The following GC variants were observed in gnomAD, a reference collection of about 807,000 sequenced individuals.
GC encodes the protein GC vitamin D binding protein.
GC carries 43 observed loss-of-function variants against 56.7 expected under a neutral mutation model. That is an observed-to-expected ratio of 0.76 (90% CI 0.59 to 0.98). The LOEUF (loss-of-function observed/expected upper bound fraction) is 0.98, where lower values mean the gene tolerates loss of function less well. Among genes scored for constraint, GC ranks in the 50% least tolerant of loss-of-function variants. The pLI is 0.00. For synonymous variants in GC, 216 were observed against 202.7 expected (o/e 1.07, Z -0.56); for missense variants, 529 against 545.9 (o/e 0.97, Z 0.31).
intron 1 of GC, among the ~76,000 whole-genome samples, chr4:71,780,577 A>G (rs1428233798): frequency 6.6e-6 from 1 of 152,204 alleles, no homozygotes; most frequent in African/African-American, 2.4e-5. Flanking sequence ...GGCAAAGGAT[A>G]TGAACAGACA....
rs534043895 is a variant in GC at position 71,774,442 on chromosome 4, C to T, written c.59-5042G>A. 9.9e-5 allele frequency among the ~76,000 whole-genome samples: 15 copies of T among 152,002 alleles called. No homozygotes were observed. The East Asian group carries it at 2.5e-3, about 26-fold the overall frequency. The stretch of plus-strand genomic sequence containing the variant: ...TTTTTCTCCATGCATTTCATCCCAC[C>T]TCTCTTTCCTTTTGTGGGTTGGTTA... On this transcript the variant is annotated intron_variant, in intron 1 of 12. Coordinates refer to ENST00000273951, the MANE Select transcript of GC (RefSeq NM_000583.4).
chr4:71,790,475 G>A (rs949704941), intron 1 of GC, among the ~76,000 whole-genome samples: 2 of 151,814 alleles, frequency 1.3e-5, no homozygotes, highest in Non-Finnish European at 2.9e-5. Context: ...GTTCATTTAT[G>A]TTTAATGTTC....
At chr4:71,757,970 GAGTACCTGCCACTC>G in intron 7 of GC, 58 bp downstream of exon 7, 3 of 1,276,262 alleles carry the variant, frequency 2.4e-6, no homozygotes, top group Non-Finnish European at 3.3e-6. Flanking sequence ...GAACTTAGAA[GAGTACCTGCCACTC>G]AGTACTTGGC....
intron 1 of GC, among the ~76,000 whole-genome samples, chr4:71,803,472 T>G (rs745918202): frequency 6.6e-6 from 1 of 152,186 alleles, no homozygotes; most frequent in Admixed American, 6.5e-5. Context: ...CTTTACAAAC[T>G]TCTTTTTTAT....
In GC at chr4:71,797,597, A is replaced by C. The variant is rs117803694; in HGVS notation, c.21+6329T>G. On this transcript the variant is annotated intron_variant, in intron 1 of 13. Transcript: ENST00000504199. ...TGTCACGGCTTTCTTTGGCTAGGAA[A>C]GGGAAATTCCCCGACCCCTTGCACC... Among the ~76,000 whole-genome samples the C allele has an allele frequency of 3.6e-4, 55 of 152,352 alleles. 1 individual carries two copies. In the East Asian group the frequency reaches 0.01, roughly 28 times the overall value.
At position 71,763,820 on chromosome 4, in the gene GC, A is replaced by G. The variant is rs753185045; in HGVS notation, c.590T>C (p.Val197Ala). Residue 197 changes from valine (V) to alanine (A), a missense_variant, in exon 5 of 13, where the codon GTA (valine) becomes GCA (alanine). By Grantham distance (64) the Val-to-Ala change is moderately conservative. Transcript: ENST00000273951. ...GGGACATACCTCTTTCAAAAAGCAT[A>G]CAGTTGGGCTTGCAGAGGTACAGCA... Reference protein sequence around the residue: ...GSCCTSASPTVCFLKERLQLK... With the variant: ...GSCCTSASPTACFLKERLQLK... 1.2e-6 allele frequency: 2 copies of G among 1,612,812 alleles called. No individual in the cohort carries two copies. Among genetic ancestry groups the G allele is most frequent in the East Asian group, 2.2e-5 (1 of 44,876 alleles).
intron 11 of GC, among the ~76,000 whole-genome samples, chr4:71,752,271 C>G (rs1404998886): frequency 6.6e-6 from 1 of 152,160 alleles, no homozygotes; most frequent in Non-Finnish European, 1.5e-5. Flanking sequence ...TTCACAGACT[C>G]TTTTGTTTCT....
intron 1 of GC, among the ~76,000 whole-genome samples, chr4:71,770,734 C>T (rs547244931): frequency 6.6e-6 from 1 of 152,162 alleles, no homozygotes; most frequent in South Asian, 2.1e-4. Context: ...TTTCCCACCA[C>T]AGGCAATAGA....
intron 1 of GC, among the ~76,000 whole-genome samples, chr4:71,800,356 T>C (rs1335321017): frequency 6.6e-6 from 1 of 152,142 alleles, no homozygotes; most frequent in Non-Finnish European, 1.5e-5. Context: ...CCTATGTTAG[T>C]TTGCTGAGGA....
chr4:71,781,946 A>T (rs931090758), intron 1 of GC, among the ~76,000 whole-genome samples: 1 of 151,804 alleles, frequency 6.6e-6, no homozygotes, highest in Non-Finnish European at 1.5e-5. Context: ...CCACAGGTAT[A>T]GACATTGTAG....
chr4:71,761,057 C>CCTCT lies in GC; in HGVS notation c.701+2350_701+2351insAGAG, dbSNP rs1269460592. Among the ~76,000 whole-genome samples, 4 of 152,214 alleles carry CCTCT rather than the reference C, an allele frequency of 2.6e-5. No individual in the cohort carries two copies. In the East Asian group the frequency reaches 7.7e-4, roughly 29 times the overall value. On this transcript the variant is annotated intron_variant, in intron 6 of 12. Transcript: ENST00000273951. ...AGTGACTTTGGAACTGGGTAACAGG[C>CCTCT]AGAGGTTGGAACAGTTTGGAGGGCT...
Position 71,755,071 on chromosome 4 carries a change from C to T in GC, c.1071G>A (p.Pro357=), listed in dbSNP as rs76803094. The stretch of plus-strand genomic sequence containing the variant: ...CAAGTACCTTACTGAGGAATACTTC[C>T]GGAAGATGAGTCCTTCTGCTTAGTT... ...TFELSRRTHL[P]EVFLSKVLEP... The change falls in exon 9 of 13, where the codon CCG becomes CCA. Residue 357 remains proline, a synonymous_variant. Transcript: ENST00000273951. 32,729 of 1,591,844 alleles carry T rather than the reference C, an allele frequency of 0.021. 475 individuals carry two copies. The highest frequency in any genetic ancestry group is 0.048 in the Middle Eastern group (287 of 6,000).
chr4:71,747,000 T>C (rs1741398728), intron 11 of GC, among the ~76,000 whole-genome samples: 1 of 151,930 alleles, frequency 6.6e-6, no homozygotes, highest in Admixed American at 6.6e-5. Context: ...TGTAGAAGAA[T>C]GTGGGTGGGA....
chr4:71,754,913 C>A (rs933931711), intron 9 of GC, 65 bp downstream of exon 9: 1 of 1,150,230 alleles, frequency 8.7e-7, no homozygotes, highest in East Asian at 2.7e-5. Flanking sequence ...CAAGTTTTGG[C>A]CCATGAACTA....
Position 71,797,754 on chromosome 4 carries a change from A to G in GC, c.21+6172T>C, listed in dbSNP as rs113586460. ...CAGAAATAACCTGTCTTCTGCGTCA[A>G]TCACACTGGGAGCTGCAGACCAGAG... On this transcript the variant is annotated intron_variant, in intron 1 of 13. Transcript: ENST00000504199. Among the ~76,000 whole-genome samples the G allele has an allele frequency of 1.2e-3, 176 of 152,330 alleles. 2 individuals carry two copies. The highest frequency in any genetic ancestry group is 1.8e-3 in the Non-Finnish European group (123 of 68,032).
At chr4:71,804,013 G>A in exon 1 of GC, 1 of 973,566 alleles carries the variant, frequency 1.0e-6, no homozygotes, top group Non-Finnish European at 1.6e-6. Flanking sequence ...TTCTCCTGGT[G>A]GAGTAAGCAA....
rs762519132 is a variant in GC at position 71,754,961 on chromosome 4, A to G, written c.1164+17T>C. 3 of 1,540,772 alleles carry G rather than the reference A, an allele frequency of 1.9e-6. No homozygotes were observed. Among genetic ancestry groups the G allele is most frequent in the Non-Finnish European group, 2.6e-6 (3 of 1,146,578 alleles). On this transcript the variant is annotated intron_variant, in intron 9 of 12. Coordinates refer to ENST00000273951, the MANE Select transcript of GC (RefSeq NM_000583.4). The stretch of plus-strand genomic sequence containing the variant: ...CCTTGATCTATGTGCTTGATAAAGA[A>G]AATCCAACAAATATACCTTAGCATT...
chr4:71,764,008 T>C (rs1578296651), intron 4 of GC, 72 bp from the exon 5 acceptor site: 3 of 1,153,452 alleles, frequency 2.6e-6, no homozygotes, highest in Non-Finnish European at 3.9e-6. Flanking sequence ...TTTGAGACAG[T>C]GTCTTGCCCT....
chr4:71,746,389 C>G (rs943422796), intron 11 of GC, among the ~76,000 whole-genome samples, 184 bp from the exon 12 acceptor site: 1 of 151,606 alleles, frequency 6.6e-6, no homozygotes, highest in Non-Finnish European at 1.5e-5. Context: ...TACATCATCT[C>G]TGCCCTTGAA....
Sources: gnomAD v4.1 joint callset for allele counts (sites outside exome capture counted in the v4.1 genomes callset) on GRCh38, gnomAD v4.1.1 for gene constraint, MANE v1.5 for transcripts, NCBI Gene and HGNC (gene_info 2026-07-23, HGNC 2026-07-21) for gene names.